The following GLRA2 variants were observed in gnomAD, a reference collection of about 807,000 sequenced individuals.
GLRA2 encodes the protein glycine receptor alpha 2.
A neutral mutation model predicts 31.6 loss-of-function variants in GLRA2; 11 were observed. The observed-to-expected ratio is 0.35, with a 90% CI of 0.22 to 0.58. GLRA2 has a LOEUF of 0.58. Among genes scored for constraint, GLRA2 ranks in the 20% least tolerant of loss-of-function variants. The pLI is 0.84. For missense variants in GLRA2, 212 were observed against 351.8 expected (o/e 0.60, Z 3.18); for synonymous variants, 132 against 134.0 (o/e 0.99, Z 0.10).
chrX:14,484,661 G>A, the GLRA2 span, among the ~76,000 whole-genome samples: 14 of 111,670 alleles, frequency 1.3e-4, no homozygotes, highest in African/African-American at 3.9e-4. Context: ...AGATTAATTT[G>A]GTGTTGATAA....
intron 4 of GLRA2, among the ~76,000 whole-genome samples, chrX:14,601,239 A>G (rs766527041): frequency 1.8e-5 from 2 of 111,807 alleles, no homozygotes; most frequent in South Asian, 7.2e-4. Context: ...TAGAACTATA[A>G]GCCACATTTT....
chrX:14,713,556 A>G (rs1348214628), intron 8 of GLRA2, among the ~76,000 whole-genome samples: 1 of 112,340 alleles, frequency 8.9e-6, no homozygotes, highest in Non-Finnish European at 1.9e-5. Flanking sequence ...AGAAAGCCAA[A>G]CAACTATTTT....
intron 2 of GLRA2, among the ~76,000 whole-genome samples, chrX:14,554,917 A>T (rs2089620946): frequency 8.9e-6 from 1 of 112,140 alleles, no homozygotes; most frequent in African/African-American, 3.2e-5. Flanking sequence ...GAGTTTTAAA[A>T]TAGCTCCCAT....
chrX:14,455,158 C>T, the GLRA2 span, among the ~76,000 whole-genome samples: 2 of 111,488 alleles, frequency 1.8e-5, no homozygotes, highest in Non-Finnish European at 3.8e-5. Flanking sequence ...AATGGCCTAC[C>T]AAAGATATAA....
the GLRA2 span, among the ~76,000 whole-genome samples, chrX:14,473,279 C>A: frequency 0.026 from 2,859 of 111,227 alleles, 87 homozygotes; most frequent in African/African-American, 0.089. Context: ...AAAGGACATT[C>A]AGGATGTGGT....
the GLRA2 span, among the ~76,000 whole-genome samples, chrX:14,501,549 G>A: frequency 1.8e-5 from 2 of 111,201 alleles, no homozygotes; most frequent in Admixed American, 1.9e-4. Context: ...TGCTCCACTT[G>A]GCTTTGGCTC....
the GLRA2 span, among the ~76,000 whole-genome samples, chrX:14,458,591 G>A: frequency 1.8e-5 from 2 of 112,399 alleles, no homozygotes; most frequent in African/African-American, 6.5e-5. Context: ...GTATCTCACT[G>A]TGGTTTTGAT....
chrX:14,660,916 AG>A (rs2090984559), intron 7 of GLRA2, among the ~76,000 whole-genome samples: 1 of 111,983 alleles, frequency 8.9e-6, no homozygotes, highest in African/African-American at 3.2e-5. Flanking sequence ...AGTTAATAGA[AG>A]GTTTTGGCTA....
chrX:14,688,601 A>T (rs1475790920), intron 7 of GLRA2, among the ~76,000 whole-genome samples: 2 of 111,700 alleles, frequency 1.8e-5, no homozygotes, highest in Non-Finnish European at 3.8e-5. Flanking sequence ...CCTCCGAGCC[A>T]GGCGCAGGAT....
chrX:14,698,728 A>ATATGTCAT (rs1215248702), intron 8 of GLRA2, among the ~76,000 whole-genome samples: 1 of 108,004 alleles, frequency 9.3e-6, no homozygotes, highest in Non-Finnish European at 1.9e-5. Flanking sequence ...TCCCAAGGCA[A>ATATGTCAT]TATGTCATCT....
chrX:14,613,447 G>T (rs1405378215), intron 7 of GLRA2, among the ~76,000 whole-genome samples: 3 of 110,032 alleles, frequency 2.7e-5, no homozygotes, highest in African/African-American at 1.0e-4. Context: ...AACAAACCAT[G>T]GATCAAAAAT....
chrX:14,561,942 A>G (rs781770800), intron 2 of GLRA2, among the ~76,000 whole-genome samples: 3 of 112,568 alleles, frequency 2.7e-5, no homozygotes, highest in African/African-American at 9.7e-5. Context: ...AATTGAATTA[A>G]TAAATGAAAA....
At chrX:14,454,570 TA>T in the GLRA2 span, among the ~76,000 whole-genome samples, 1,113 of 87,406 alleles carry the variant, frequency 0.013, 30 homozygotes, top group Admixed American at 0.086. Flanking sequence ...GCCCTCAAGG[TA>T]AAAAAAAAAA....
chrX:14,635,390 A>C, intron 7 of GLRA2, among the ~76,000 whole-genome samples: 1 of 112,125 alleles, frequency 8.9e-6, no homozygotes. Flanking sequence ...AAATGAAGAC[A>C]GCAAAAATGG....
At chrX:14,700,684 G>C (rs887542088) in intron 8 of GLRA2, among the ~76,000 whole-genome samples, 2 of 111,045 alleles carry the variant, frequency 1.8e-5, no homozygotes, top group Non-Finnish European at 3.8e-5. Context: ...GTAGTGAAGT[G>C]GACAGTGAGG....
intron 4 of GLRA2, among the ~76,000 whole-genome samples, chrX:14,585,933 C>A (rs1370878236): frequency 8.9e-6 from 1 of 112,269 alleles, no homozygotes; most frequent in Non-Finnish European, 1.9e-5. Flanking sequence ...TCTGTATTTG[C>A]ATTTTCCTGA....
At chrX:14,632,584 C>T (rs1363668768) in intron 7 of GLRA2, among the ~76,000 whole-genome samples, 1 of 111,420 alleles carries the variant, frequency 9.0e-6, no homozygotes, top group Non-Finnish European at 1.9e-5. Flanking sequence ...CAAAATGTTT[C>T]ATCAAAAGGT....
At chrX:14,661,714 A>G (rs1005010818) in intron 7 of GLRA2, among the ~76,000 whole-genome samples, 2 of 109,053 alleles carry the variant, frequency 1.8e-5, no homozygotes, top group African/African-American at 6.7e-5. Context: ...TCTACTAAAA[A>G]TATGAACAAT....
intron 7 of GLRA2, among the ~76,000 whole-genome samples, chrX:14,665,268 C>T (rs894178324): frequency 1.8e-5 from 2 of 111,830 alleles, no homozygotes; most frequent in Non-Finnish European, 3.8e-5. Context: ...GCCTGCTAAT[C>T]TAAATACATC....
Sources: gnomAD v4.1 joint callset for allele counts (sites outside exome capture counted in the v4.1 genomes callset) on GRCh38, gnomAD v4.1.1 for gene constraint, MANE v1.5 for transcripts, NCBI Gene and HGNC (gene_info 2026-07-23, HGNC 2026-07-21) for gene names.